The following CRLS1 variants were observed in gnomAD, a reference collection of about 807,000 sequenced individuals.
CRLS1 encodes the protein cardiolipin synthase (CMP-forming).
Under a neutral mutation model 37.0 loss-of-function variants are expected in CRLS1, and 24 were observed. The ratio of observed to expected loss-of-function variants is 0.65; its 90% CI spans 0.47 to 0.91. CRLS1 has a LOEUF of 0.91. Ranked by LOEUF, CRLS1 falls within the 40% of genes least tolerant of loss-of-function variation. CRLS1 has a pLI of 0.00. For synonymous variants in CRLS1, 135 were observed against 159.7 expected (o/e 0.85, Z 1.17); for missense variants, 373 against 395.8 (o/e 0.94, Z 0.49).
intron 3 of CRLS1, chr20:6,015,851 TTAA>T (rs1183091928): frequency 2.3e-5 from 6 of 263,042 alleles, no homozygotes; most frequent in Non-Finnish European, 4.5e-5. Flanking sequence ...ATTATCTTTA[TTAA>T]TATCGTTTAA....
chr20:6,023,515 A>G (rs1053409624), intron 3 of CRLS1: 2 of 152,200 alleles, frequency 1.3e-5, no homozygotes, highest in African/African-American at 4.8e-5. Flanking sequence ...GCTGCAGGCT[A>G]GAAGGTGGTT....
chr20:6,037,155 C>G lies in CRLS1; in HGVS notation c.903C>G (p.Asp301Glu). ...YGRKTVQVIK[D>E] ...GGAAGACTGTTCAGGTGATAAAAGA[C>G]TGATGAAAGTCATCCCTCACTGTTA... Residue 301 changes from aspartate to glutamate, a missense_variant, in exon 7 of 7, where the codon GAC becomes GAG. Coordinates refer to ENST00000378863, the MANE Select transcript of CRLS1 (RefSeq NM_019095.6). The G allele has an allele frequency of 6.2e-7, 1 of 1,609,360 alleles. No homozygotes were observed. Among genetic ancestry groups the G allele is most frequent in the South Asian group, 1.1e-5 (1 of 90,928 alleles).
intron 3 of CRLS1, among the ~76,000 whole-genome samples, chr20:6,025,458 A>G (rs181205856): frequency 2.0e-5 from 3 of 152,342 alleles, no homozygotes; most frequent in Admixed American, 2.0e-4. Context: ...CATTGACAAC[A>G]CACCTGGTCA....
At chr20:6,016,250 C>T (rs540056989) in intron 3 of CRLS1, among the ~76,000 whole-genome samples, 2 of 152,112 alleles carry the variant, frequency 1.3e-5, no homozygotes, top group African/African-American at 2.4e-5. Context: ...CATGGTCCCT[C>T]GGTATCATGT....
At chr20:6,029,485 C>G (rs931315324) in intron 3 of CRLS1, among the ~76,000 whole-genome samples, 21 of 152,116 alleles carry the variant, frequency 1.4e-4, no homozygotes, top group African/African-American at 5.1e-4. Flanking sequence ...CCTCAGCCTC[C>G]CAAATAGCTG....
Position 6,035,620 on chromosome 20 carries a change from A to T in CRLS1, c.821+1065A>T, listed in dbSNP as rs535007650. ...GTTTTCAGAAATAGCAATTAAAAAA[A>T]TTTTTATTTTATTTTTTTGGAGACA... On this transcript the variant is annotated intron_variant, in intron 6 of 6. Transcript: ENST00000378863. Among the ~76,000 whole-genome samples, 15 of 152,032 alleles carry T rather than the reference A, an allele frequency of 9.9e-5. 1 individual carries two copies. Among genetic ancestry groups the T allele is most frequent in the South Asian group, 2.1e-4 (1 of 4,822 alleles).
intron 3 of CRLS1, among the ~76,000 whole-genome samples, chr20:6,022,538 C>T (rs6107743): frequency 6.6e-6 from 1 of 151,902 alleles, no homozygotes; most frequent in Non-Finnish European, 1.5e-5. Context: ...GGAGTTTTGC[C>T]TGTTGCCCAG....
At chr20:6,034,232 C>T (rs1312050303) in intron 5 of CRLS1, among the ~76,000 whole-genome samples, 1 of 152,222 alleles carries the variant, frequency 6.6e-6, no homozygotes, top group African/African-American at 2.4e-5. Flanking sequence ...GTTGTCATTA[C>T]TCTTGCTCTT....
intron 3 of CRLS1, among the ~76,000 whole-genome samples, chr20:6,024,789 G>A (rs531563685): frequency 6.6e-6 from 1 of 152,314 alleles, no homozygotes; most frequent in South Asian, 2.1e-4. Flanking sequence ...AAGCAAAACA[G>A]CCTTATTGCT....
rs774676876 is a variant in CRLS1 at position 6,014,631 on chromosome 20, G to A, written c.445-730G>A. Among the ~76,000 whole-genome samples the A allele has an allele frequency of 9.0e-4, 137 of 152,232 alleles. 1 individual carries two copies. The highest frequency in any genetic ancestry group is 3.0e-3 in the Admixed American group (46 of 15,300). On this transcript the variant is annotated intron_variant, in intron 2 of 6. Transcript: ENST00000378863. ...GCCAGACCGCTCCCTTCTCAAGTTAGGATGGAGACCTGGGTTTTTATGGGA... is the reference window on the plus strand; with the variant it reads ...GCCAGACCGCTCCCTTCTCAAGTTAAGATGGAGACCTGGGTTTTTATGGGA...
At chr20:6,016,733 GC>G (rs1276851597) in intron 3 of CRLS1, among the ~76,000 whole-genome samples, 1 of 152,150 alleles carries the variant, frequency 6.6e-6, no homozygotes, top group African/African-American at 2.4e-5. Flanking sequence ...GGTGTAGGTT[GC>G]TTTCCAAGCT....
chr20:6,006,379 C>A lies in CRLS1; in HGVS notation c.133C>A (p.Leu45Met). Residue 45 changes from leucine (L) to methionine (M), a missense_variant, in exon 1 of 7, where the codon CTG (leucine) becomes ATG (methionine). Transcript: ENST00000378863. ...GCCCGTGCCCTGCTGCTTGGGCTGCCTGGCCGAACGCTGGAGGCTGCGTCC... is the reference window on the plus strand; with the variant it reads ...GCCCGTGCCCTGCTGCTTGGGCTGCATGGCCGAACGCTGGAGGCTGCGTCC... Reference protein sequence around the residue: ...LPPVPCCLGCLAERWRLRPAA... With the variant: ...LPPVPCCLGCMAERWRLRPAA... 7.1e-7 allele frequency: 1 copy of A among 1,407,068 alleles called. No homozygotes were observed. The highest frequency in any genetic ancestry group is 9.3e-7 in the Non-Finnish European group (1 of 1,078,744). The allele number at this position is 1,407,068 out of a possible 1,614,324, so 87.2% of individuals were successfully genotyped here.
intron 3 of CRLS1, among the ~76,000 whole-genome samples, chr20:6,016,454 G>GTT (rs1555793595): frequency 8.7e-6 from 1 of 114,518 alleles, no homozygotes; most frequent in Admixed American, 8.4e-5. Flanking sequence ...GGGGAATGGG[G>GTT]GTGTGTGTGT....
chr20:6,009,178 C>G (rs1283964926), intron 1 of CRLS1, among the ~76,000 whole-genome samples: 1 of 152,056 alleles, frequency 6.6e-6, no homozygotes, highest in Admixed American at 6.5e-5. Context: ...CAAAAATTAG[C>G]TGGGCATGGT....
At chr20:6,010,167 A>C (rs2090114850) in intron 2 of CRLS1, among the ~76,000 whole-genome samples, 1 of 151,924 alleles carries the variant, frequency 6.6e-6, no homozygotes, top group South Asian at 2.1e-4. Context: ...TTGGTTTTTA[A>C]GAGTGAAAGA....
At chr20:6,008,165 CTTCAGAAAT>C (rs1487138914) in intron 1 of CRLS1, among the ~76,000 whole-genome samples, 19 of 47,784 alleles carry the variant, frequency 4.0e-4, no homozygotes, top group African/African-American at 2.4e-3. Context: ...TTAAAAGAAT[CTTCAGAAAT>C]GGCCTTTGCC....
Position 6,032,046 on chromosome 20 carries a change from C to T in CRLS1, c.695C>T (p.Ala232Val), listed in dbSNP as rs769080366. 1 of 1,612,562 alleles carries T rather than the reference C, an allele frequency of 6.2e-7. No individual in the cohort carries two copies. Among genetic ancestry groups the T allele is most frequent in the Non-Finnish European group, 8.5e-7 (1 of 1,178,894 alleles). ...GCCAAGTATTTCAATCCTTGCTATGCCACTGCTAGGTTAAAACCAACATTC... is the reference window on the plus strand; with the variant it reads ...GCCAAGTATTTCAATCCTTGCTATGTCACTGCTAGGTTAAAACCAACATTC... ...TLAKYFNPCY[A>V]TARLKPTFIS... The change falls in exon 5 of 7, where the codon GCC (alanine) becomes GTC (valine). Residue 232 changes from alanine (A) to valine (V), a missense_variant. Ala to Val is a moderately conservative substitution (Grantham distance 64). Transcript: ENST00000378863.
chr20:6,020,922 G>A (rs780147660), intron 3 of CRLS1, among the ~76,000 whole-genome samples: 7 of 151,310 alleles, frequency 4.6e-5, no homozygotes, highest in Admixed American at 2.0e-4. Flanking sequence ...GTGAGCCACC[G>A]CGCCCGGCCT....
At chr20:6,032,178 T>A in intron 5 of CRLS1, 98 bp downstream of exon 5, 1 of 940,674 alleles carries the variant, frequency 1.1e-6, no homozygotes, top group South Asian at 1.4e-5. Flanking sequence ...GAGACAAATT[T>A]AAATGCATTG....
Sources: gnomAD v4.1 joint callset for allele counts (sites outside exome capture counted in the v4.1 genomes callset) on GRCh38, gnomAD v4.1.1 for gene constraint, MANE v1.5 for transcripts, NCBI Gene and HGNC (gene_info 2026-07-23, HGNC 2026-07-21) for gene names.